Variants in ERBIN observed in about 807,000 individuals in gnomAD.
The protein encoded by ERBIN is erbb2 interacting protein.
ERBIN carries 60 observed loss-of-function variants against 158.4 expected under a neutral mutation model. The observed-to-expected ratio is 0.38, with a 90% CI of 0.31 to 0.47. ERBIN has a LOEUF of 0.47. ERBIN is among the 20% of genes least tolerant of loss of function. ERBIN has a pLI of 0.99. For synonymous variants in ERBIN, 594 were observed against 557.2 expected, an observed-to-expected ratio of 1.07 and a Z score of -0.93; for missense variants, 1,610 against 1,648.0, an observed-to-expected ratio of 0.98 and a Z score of 0.40.
Position 66,054,801 on chromosome 5 carries a change from T to A in ERBIN, c.3483T>A (p.Asp1161Glu). ...EIPERTMSVS[D>E]FNYSRTSPSK... ...CAGAGAGAACTATGTCAGTTAGTGATTTCAATTATTCACGGACTAGTCCTT... is the reference window on the plus strand; with the variant it reads ...CAGAGAGAACTATGTCAGTTAGTGAATTCAATTATTCACGGACTAGTCCTT... The change falls in exon 21 of 26, where the codon GAT becomes GAA. Residue 1161 changes from aspartate (D) to glutamate (E), a missense_variant. Physicochemically the swap from Asp to Glu is conservative, Grantham distance 45. Coordinates refer to ENST00000284037, the MANE Select transcript of ERBIN (RefSeq NM_001253697.2). The A allele has an allele frequency of 2.5e-6, 4 of 1,614,158 alleles. No individual in the cohort carries two copies. Among genetic ancestry groups the A allele is most frequent in the Non-Finnish European group, 3.4e-6 (4 of 1,180,010 alleles).
intron 21 of ERBIN, among the ~76,000 whole-genome samples, chr5:66,071,024 C>T (rs1485694586): frequency 1.3e-5 from 2 of 152,062 alleles, no homozygotes; most frequent in African/African-American, 4.8e-5. Context: ...AAGTGAAAAA[C>T]ATATGTGTCT....
At chr5:65,960,868 C>T (rs1331459562) in intron 1 of ERBIN, among the ~76,000 whole-genome samples, 2 of 151,422 alleles carry the variant, frequency 1.3e-5, no homozygotes, top group East Asian at 3.9e-4. Flanking sequence ...ATTTTTTTTT[C>T]AGCTTCATGG....
At chr5:66,040,844 T>TA (rs113407985) in intron 15 of ERBIN, among the ~76,000 whole-genome samples, 8,544 of 116,758 alleles carry the variant, frequency 0.073, 836 homozygotes, top group African/African-American at 0.22. Context: ...GTGGGAAGAT[T>TA]AAAAAAAAAA....
At chr5:65,975,586 G>A (rs1434673359) in intron 1 of ERBIN, among the ~76,000 whole-genome samples, 1 of 152,218 alleles carries the variant, frequency 6.6e-6, no homozygotes, top group Non-Finnish European at 1.5e-5. Flanking sequence ...GATTACAGGT[G>A]TGGGCCACTG....
intron 1 of ERBIN, among the ~76,000 whole-genome samples, chr5:65,980,264 A>G (rs1389623376): frequency 6.6e-6 from 1 of 151,974 alleles, no homozygotes; most frequent in Non-Finnish European, 1.5e-5. Flanking sequence ...AAAAATACAA[A>G]AATTAGCTGG....
At chr5:66,002,141 A>G (rs1249782879) in intron 4 of ERBIN, among the ~76,000 whole-genome samples, 1 of 152,186 alleles carries the variant, frequency 6.6e-6, no homozygotes, top group Admixed American at 6.5e-5. Context: ...AAAGGACATG[A>G]ACCCATTCTT....
intron 1 of ERBIN, among the ~76,000 whole-genome samples, chr5:65,927,368 A>G (rs901444768): frequency 2.0e-5 from 3 of 152,094 alleles, no homozygotes; most frequent in African/African-American, 7.2e-5. Context: ...TGCCATTCTT[A>G]GTTGTTTTTC....
rs1758183168 is a variant in ERBIN, at chr5:66,044,121, T to C, written c.1429-16T>C. On this transcript the variant is annotated splice_polypyrimidine_tract_variant and intron_variant, in intron 16 of 25. Coordinates refer to ENST00000284037, the MANE Select transcript of ERBIN (RefSeq NM_001253697.2). ...AAATATTTGTACTTCATATTTTACT[T>C]ATTTTATTTCTCTAGGAGGGAAATT... The C allele has an allele frequency of 6.6e-7, 1 of 1,511,008 alleles. No homozygotes were observed. The highest frequency in any genetic ancestry group is 1.4e-5 in the African/African-American group (1 of 70,484). 93.6% of individuals were successfully genotyped at this position (1,511,008 alleles called of 1,614,324 possible).
chr5:66,030,474 C>A (rs987068312), intron 14 of ERBIN, among the ~76,000 whole-genome samples: 1 of 151,608 alleles, frequency 6.6e-6, no homozygotes, highest in African/African-American at 2.4e-5. Flanking sequence ...TGGACCCCAT[C>A]TTATGCCATT....
At chr5:65,931,640 A>G (rs114237282) in intron 1 of ERBIN, among the ~76,000 whole-genome samples, 1,706 of 152,272 alleles carry the variant, frequency 0.011, 26 homozygotes, top group African/African-American at 0.038. Context: ...AATAGTGGCA[A>G]TGTTTTATAT....
chr5:66,062,334 C>T (rs942180503), intron 21 of ERBIN, among the ~76,000 whole-genome samples: 6 of 152,226 alleles, frequency 3.9e-5, no homozygotes, highest in African/African-American at 1.4e-4. Flanking sequence ...TTGATCGCAT[C>T]AGTTACTGAG....
chr5:66,031,837 T>C (rs1429221335), intron 14 of ERBIN, among the ~76,000 whole-genome samples: 10 of 152,078 alleles, frequency 6.6e-5, no homozygotes, highest in African/African-American at 1.4e-4. Context: ...ATCTCCAAGA[T>C]AGTTTTTTTA....
chr5:65,934,968 A>G (rs990270207), intron 1 of ERBIN, among the ~76,000 whole-genome samples: 1 of 152,032 alleles, frequency 6.6e-6, no homozygotes. Context: ...TAGATGTTCT[A>G]ACATATCTTC....
intron 4 of ERBIN, among the ~76,000 whole-genome samples, chr5:66,011,735 A>G (rs539207066): frequency 3.3e-5 from 5 of 152,292 alleles, no homozygotes; most frequent in Admixed American, 1.3e-4. Context: ...TTAAAGTGAG[A>G]GAAACAGAAA....
chr5:66,076,960 TA>T lies in ERBIN; in HGVS notation c.4131+14del, dbSNP rs780685399. ...GATAAAATTATTCAGGTAATTAAAA[TA>T]AATCTTTTTTTTTTTCATTTTATAA... On this transcript the variant is annotated intron_variant, in intron 25 of 25. Transcript: ENST00000284037. 5 of 1,537,170 alleles carry T rather than the reference TA, an allele frequency of 3.3e-6. No homozygotes were observed. Among genetic ancestry groups the T allele is most frequent in the Non-Finnish European group, 4.4e-6 (5 of 1,126,240 alleles).
intron 4 of ERBIN, among the ~76,000 whole-genome samples, chr5:66,008,855 A>G (rs1196752839): frequency 6.6e-6 from 1 of 152,222 alleles, no homozygotes. Flanking sequence ...ATGTACCACA[A>G]CCAAATCCAT....
At chr5:65,958,305 G>A (rs894323225) in intron 1 of ERBIN, among the ~76,000 whole-genome samples, 36 of 151,978 alleles carry the variant, frequency 2.4e-4, no homozygotes, top group African/African-American at 8.5e-4. Flanking sequence ...CCGAGATCAC[G>A]CCACTGCACT....
intron 1 of ERBIN, among the ~76,000 whole-genome samples, chr5:65,931,819 C>CTTTTTTTTT (rs36048820): frequency 4.5e-5 from 6 of 131,916 alleles, no homozygotes; most frequent in South Asian, 2.4e-4. Context: ...TCTTTTCTTT[C>CTTTTTTTTT]TTTTTTTTTT....
rs547015227 is a variant in ERBIN, at chr5:66,023,272, C to G, written c.598-18C>G. 15 of 1,600,238 alleles carry G rather than the reference C, an allele frequency of 9.4e-6. No individual in the cohort carries two copies. The African/African-American group carries it at 1.9e-4, about 20-fold the overall frequency. ...AAATTAATTGAATTACTGCTATCCC[C>G]TACCCTAATCCCAACAGCCTGAAGT... On this transcript the variant is annotated intron_variant, in intron 8 of 25. Transcript: ENST00000284037.
Sources: gnomAD v4.1 joint callset for allele counts (sites outside exome capture counted in the v4.1 genomes callset) on GRCh38, gnomAD v4.1.1 for gene constraint, MANE v1.5 for transcripts, NCBI Gene and HGNC (gene_info 2026-07-23, HGNC 2026-07-21) for gene names.